Variants in FHL1 observed in about 807,000 individuals in gnomAD.
FHL1 encodes the protein four and a half LIM domains protein 1.
FHL1 carries 1 observed loss-of-function variant against 20.3 expected under a neutral mutation model. The observed-to-expected ratio is 0.05, with a 90% CI of 0.02 to 0.23. The LOEUF (loss-of-function observed/expected upper bound fraction) is 0.23. FHL1 is among the 10% of genes least tolerant of loss of function. FHL1 has a pLI of 1.00. For missense variants in FHL1, 177 were observed against 234.0 expected (o/e 0.76, Z 1.59); for synonymous variants, 82 against 88.9 (o/e 0.92, Z 0.44).
chrX:136,161,137 C>A (rs2072555135), intron 1 of FHL1, among the ~76,000 whole-genome samples: 1 of 111,916 alleles, frequency 8.9e-6, no homozygotes, highest in South Asian at 3.8e-4. Context: ...TGCTCCCTAA[C>A]TACTGTGAGT....
At chrX:136,166,391 C>T (rs777036305), upstream of FHL1, among the ~76,000 whole-genome samples, 2 of 111,769 alleles carry the variant, frequency 1.8e-5, no homozygotes, top group South Asian at 3.8e-4. Context: ...TTCTTCTGCC[C>T]TCTGGAGGGT....
At chrX:136,154,710 CTT>C (rs1323465424) in intron 1 of FHL1, among the ~76,000 whole-genome samples, 8 of 103,007 alleles carry the variant, frequency 7.8e-5, no homozygotes, top group Non-Finnish European at 4.0e-5. Flanking sequence ...AATCTGGCAT[CTT>C]TTTTTTTTTT....
At chrX:136,169,285 C>G (rs781129153), upstream of FHL1, 1 of 119,614 alleles carries the variant, frequency 8.4e-6, no homozygotes, top group Non-Finnish European at 1.7e-5. Context: ...GGGTTGGGAA[C>G]GGCACAAGGC....
At chrX:136,197,349 A>G (rs1215610157) in intron 1 of FHL1, among the ~76,000 whole-genome samples, 1 of 112,637 alleles carries the variant, frequency 8.9e-6, no homozygotes. Context: ...GATTTATTTT[A>G]AAAAGAAGTA....
At chrX:136,148,864 C>T (rs1203851529) in intron 1 of FHL1, 1 of 112,547 alleles carries the variant, frequency 8.9e-6, no homozygotes, top group South Asian at 3.6e-4. Flanking sequence ...GCAGGAGATA[C>T]ATCCTTGTAG....
In FHL1 at chrX:136,191,016, G is replaced by A. The variant is rs2073419605; in HGVS notation, c.-26-15391G>A. ...CCAATCCTCTCCAACTTGTGGAGGA[G>A]CCTATACTCTGTCCTTACCATGCAC... On this transcript the variant is annotated intron_variant, in intron 2 of 6. Transcript: ENST00000394153. 1.8e-5 allele frequency among the ~76,000 whole-genome samples: 2 copies of A among 111,559 alleles called. 1 individual carries two copies. The highest frequency in any genetic ancestry group is 8.4e-3 in the Middle Eastern group (2 of 238).
intron 1 of FHL1, among the ~76,000 whole-genome samples, chrX:136,162,965 G>A (rs1178360102): frequency 8.9e-6 from 1 of 112,344 alleles, no homozygotes; most frequent in Non-Finnish European, 1.9e-5. Context: ...GCTGCTCTCT[G>A]CTTCCAAGAT....
chrX:136,191,457 G>A (rs2073429848), intron 2 of FHL1, among the ~76,000 whole-genome samples: 2 of 111,570 alleles, frequency 1.8e-5, no homozygotes, highest in Non-Finnish European at 3.8e-5. Context: ...TCCAGGTCAC[G>A]GCTTGATCTC....
At chrX:136,159,684 C>T (rs897756687) in intron 1 of FHL1, among the ~76,000 whole-genome samples, 1 of 112,172 alleles carries the variant, frequency 8.9e-6, no homozygotes, top group Non-Finnish European at 1.9e-5. Context: ...GAGAGCTGCC[C>T]AGTACCTCCA....
chrX:136,206,737 G>A (rs2073850959), intron 2 of FHL1, 149 bp downstream of exon 2: 2 of 799,116 alleles, frequency 2.5e-6, no homozygotes, highest in South Asian at 4.6e-5. Context: ...CACTCCCCAG[G>A]CCACAGTGGC....
intron 1 of FHL1, among the ~76,000 whole-genome samples, chrX:136,198,949 G>A (rs1193330529): frequency 9.0e-6 from 1 of 111,374 alleles, no homozygotes; most frequent in East Asian, 2.8e-4. Context: ...GAGAGGGTAG[G>A]ATGAGAGGAA....
chrX:136,164,011 A>AGG (rs1222972144), intron 1 of FHL1, among the ~76,000 whole-genome samples: 1 of 111,913 alleles, frequency 8.9e-6, no homozygotes, highest in African/African-American at 3.2e-5. Flanking sequence ...AGTCATTGAG[A>AGG]GGACATCAGT....
At chrX:136,207,405 C>G (rs1424578690) in intron 3 of FHL1, 1 of 442,981 alleles carries the variant, frequency 2.3e-6, no homozygotes, top group East Asian at 3.7e-5. Flanking sequence ...GCGAGAACAG[C>G]CTGTGGCAAC....
At chrX:136,206,159 T>C in intron 1 of FHL1, 1 of 445,123 alleles carries the variant, frequency 2.2e-6, no homozygotes, top group Non-Finnish European at 3.9e-6. Context: ...CAGGGGCTTC[T>C]ACCATCTCCC....
chrX:136,203,924 A>G (rs1233912616), intron 1 of FHL1, among the ~76,000 whole-genome samples: 3 of 112,496 alleles, frequency 2.7e-5, no homozygotes, highest in Admixed American at 9.4e-5. Flanking sequence ...GGAACTTTAT[A>G]TAGTACTTTA....
intron 1 of FHL1, chrX:136,147,871 C>A (rs1384518483): frequency 1.4e-4 from 15 of 106,139 alleles, no homozygotes; most frequent in Middle Eastern, 4.7e-3. Context: ...AGTGCGAGGT[C>A]CCCCCTGGTG....
chrX:136,186,650 C>G (rs781424767), intron 2 of FHL1, among the ~76,000 whole-genome samples: 1 of 109,999 alleles, frequency 9.1e-6, no homozygotes, highest in Non-Finnish European at 1.9e-5. Context: ...GTCAGGAGTT[C>G]GAGAGCAGCC....
chrX:136,147,027 C>T (rs2072112352), upstream of FHL1: 1 of 282,186 alleles, frequency 3.5e-6, no homozygotes, highest in African/African-American at 2.8e-5. Context: ...GCGAGGACCC[C>T]GGTGAGGCGA....
upstream of FHL1, chrX:136,147,362 C>G (rs1470195855): frequency 3.3e-5 from 3 of 90,898 alleles, no homozygotes; most frequent in East Asian, 7.2e-4. Context: ...ACACAGCCTC[C>G]GTGCAGTGGG....
Sources: allele counts gnomAD v4.1 joint callset (sites outside exome capture counted in the v4.1 genomes callset), GRCh38; gene constraint gnomAD v4.1.1; transcripts MANE v1.5; gene names NCBI Gene and HGNC (gene_info 2026-07-23, HGNC 2026-07-21).